IKZF1: variants seen among roughly 807,000 people sequenced by gnomAD.
The protein encoded by IKZF1 is DNA-binding protein Ikaros.
In IKZF1, 10 loss-of-function variants were observed where a neutral mutation model predicts 51.7. The ratio of observed to expected loss-of-function variants is 0.19; its 90% confidence interval spans 0.12 to 0.33. The LOEUF (loss-of-function observed/expected upper bound fraction) is 0.33, where lower values mean the gene tolerates loss of function less well. Among genes scored for constraint, IKZF1 ranks in the 10% least tolerant of loss-of-function variants. The pLI is 1.00. For missense variants in IKZF1, 484 were observed against 707.5 expected, an observed-to-expected ratio of 0.68 and a Z score of 3.58; for synonymous variants, 280 against 282.3, an observed-to-expected ratio of 0.99 and a Z score of 0.08.
chr7:50,383,699 T>C (rs1249340079), intron 5 of IKZF1, among the ~76,000 whole-genome samples: 1 of 152,218 alleles, frequency 6.6e-6, no homozygotes, highest in Non-Finnish European at 1.5e-5. Flanking sequence ...GCCAGGGCCC[T>C]TCTCCAAGCA....
chr7:50,394,830 T>G (rs1168822035), intron 7 of IKZF1, among the ~76,000 whole-genome samples: 1 of 152,148 alleles, frequency 6.6e-6, no homozygotes, highest in Admixed American at 6.5e-5. Flanking sequence ...CCATTAAAGA[T>G]CTCCCCCTCT....
chr7:50,382,373 G>C (rs756875224), intron 4 of IKZF1, among the ~76,000 whole-genome samples, 167 bp from the exon 5 acceptor site: 1 of 152,216 alleles, frequency 6.6e-6, no homozygotes, highest in Non-Finnish European at 1.5e-5. Context: ...GACCCAGCCA[G>C]TGAAGCGTTA....
At chr7:50,371,709 G>A (rs1226195126) in intron 3 of IKZF1, among the ~76,000 whole-genome samples, 1 of 152,200 alleles carries the variant, frequency 6.6e-6, no homozygotes, top group African/African-American at 2.4e-5. Context: ...CTGAGGAAGT[G>A]TGCATCCTGT....
intron 7 of IKZF1, among the ~76,000 whole-genome samples, chr7:50,395,901 CT>C (rs1417947405): frequency 6.6e-6 from 1 of 152,158 alleles, no homozygotes; most frequent in Non-Finnish European, 1.5e-5. Flanking sequence ...TTAGATTTTG[CT>C]GATGGCATTG....
Position 50,308,098 on chromosome 7 carries a change from GT to G in IKZF1, c.-15+3179del, listed in dbSNP as rs1789250737. On this transcript the variant is annotated intron_variant, in intron 1 of 7. Coordinates refer to ENST00000331340, the MANE Select transcript of IKZF1 (RefSeq NM_006060.6). The stretch of plus-strand genomic sequence containing the variant: ...GTAGCTTTAGTTTGAGTTTTTAAAT[GT>G]TTGGTAATATTCCAACAAATATTTT... 2.0e-5 allele frequency among the ~76,000 whole-genome samples: 3 copies of G among 152,160 alleles called. No homozygotes were observed. In the South Asian group the frequency reaches 6.2e-4, roughly 31 times the overall value.
At chr7:50,310,782 T>G (rs1789985958) in intron 1 of IKZF1, among the ~76,000 whole-genome samples, 1 of 152,204 alleles carries the variant, frequency 6.6e-6, no homozygotes. Flanking sequence ...TTAAATGATG[T>G]TCTTTTCTGT....
At chr7:50,325,095 C>T (rs1387600439) in intron 2 of IKZF1, among the ~76,000 whole-genome samples, 1 of 152,046 alleles carries the variant, frequency 6.6e-6, no homozygotes, top group Non-Finnish European at 1.5e-5. Context: ...CCAGAAGGCT[C>T]CATGGTCATT....
At chr7:50,309,347 AG>A (rs1789597558) in intron 1 of IKZF1, among the ~76,000 whole-genome samples, 1 of 152,118 alleles carries the variant, frequency 6.6e-6, no homozygotes, top group Non-Finnish European at 1.5e-5. Flanking sequence ...CAGTAAAAAG[AG>A]GGGATCCAAT....
intron 2 of IKZF1, among the ~76,000 whole-genome samples, chr7:50,324,730 A>T (rs1186890813): frequency 1.3e-5 from 2 of 152,190 alleles, no homozygotes; most frequent in Non-Finnish European, 2.9e-5. Flanking sequence ...ATTGTAGTGG[A>T]TCTTGTTTTC....
At chr7:50,319,501 A>AC (rs1792545970) in intron 2 of IKZF1, among the ~76,000 whole-genome samples, 1 of 152,182 alleles carries the variant, frequency 6.6e-6, no homozygotes, top group Admixed American at 6.5e-5. Context: ...TTAAGCATGG[A>AC]CACAACATTG....
At chr7:50,386,801 C>T (rs1029924807) in intron 5 of IKZF1, among the ~76,000 whole-genome samples, 4 of 151,932 alleles carry the variant, frequency 2.6e-5, no homozygotes, top group South Asian at 2.1e-4. Context: ...TGCAATAAAA[C>T]GCTTATTTCA....
At chr7:50,304,114 G>C (rs964047454), upstream of IKZF1, 1 of 146,620 alleles carries the variant, frequency 6.8e-6, no homozygotes, top group Admixed American at 6.8e-5. Flanking sequence ...GGCGCCAGCA[G>C]GTACGGCCCG....
intron 3 of IKZF1, among the ~76,000 whole-genome samples, chr7:50,355,150 G>T (rs1268419295): frequency 6.6e-6 from 1 of 152,140 alleles, no homozygotes; most frequent in Non-Finnish European, 1.5e-5. Context: ...CCTCCATTCT[G>T]CAGGCAAATG....
Position 50,401,986 on chromosome 7 carries a change from C to G in IKZF1, c.*1359C>G, listed in dbSNP as rs940424728. 2.2e-5 allele frequency: 5 copies of G among 228,598 alleles called. No individual in the cohort carries two copies. Among genetic ancestry groups the G allele is most frequent in the African/African-American group, 1.1e-4 (5 of 45,046 alleles). 14.2% of individuals were successfully genotyped at this position (228,598 alleles called of 1,614,324 possible). ...GGGCAATTGAGGGACTGAGCCAGAC[C>G]TTCGGAGAGTAATGCCACCAGATCC... is the stretch of plus-strand genomic sequence containing the variant. On this transcript the variant is annotated 3_prime_UTR_variant, in exon 8 of 8. Transcript: ENST00000331340.
intron 3 of IKZF1, among the ~76,000 whole-genome samples, chr7:50,347,738 A>G (rs906864818): frequency 6.6e-6 from 1 of 152,188 alleles, no homozygotes; most frequent in African/African-American, 2.4e-5. Flanking sequence ...CTCAGTTTAC[A>G]TGTTTGACGC....
At chr7:50,326,442 G>A (rs962161336) in intron 2 of IKZF1, among the ~76,000 whole-genome samples, 4 of 152,266 alleles carry the variant, frequency 2.6e-5, no homozygotes, top group Admixed American at 2.6e-4. Flanking sequence ...CACATCATCT[G>A]TTTCTTGCAT....
chr7:50,349,805 TG>T (rs762101373), intron 3 of IKZF1, among the ~76,000 whole-genome samples: 35 of 152,348 alleles, frequency 2.3e-4, no homozygotes, highest in Non-Finnish European at 3.8e-4. Flanking sequence ...GTGAAAACCC[TG>T]TCACATTGAG....
intron 5 of IKZF1, among the ~76,000 whole-genome samples, chr7:50,383,550 A>G (rs1812467451): frequency 6.6e-6 from 1 of 152,232 alleles, no homozygotes; most frequent in Non-Finnish European, 1.5e-5. Context: ...TGGTCTATAC[A>G]ACATGACATG....
In IKZF1 at chr7:50,401,022, C is replaced by A; in HGVS notation, c.*395C>A. The A allele has an allele frequency of 3.1e-6, 1 of 321,268 alleles. No individual in the cohort carries two copies. Among genetic ancestry groups the A allele is most frequent in the Non-Finnish European group, 5.8e-6 (1 of 172,498 alleles). The allele number at this position is 321,268 out of a possible 1,614,324, so 19.9% of individuals were successfully genotyped here. On this transcript the variant is annotated 3_prime_UTR_variant, in exon 8 of 8. Transcript: ENST00000331340. ...TCTACCCTGTGCTAAGCACGGGGTT[C>A]GCGCACCAGGTGTCTTTTTCCAGTC...
Sources: allele counts gnomAD v4.1 joint callset (sites outside exome capture counted in the v4.1 genomes callset), GRCh38; gene constraint gnomAD v4.1.1; transcripts MANE v1.5; gene names NCBI Gene and HGNC (gene_info 2026-07-23, HGNC 2026-07-21).